ME1: variants seen among roughly 807,000 people sequenced by gnomAD.
ME1 encodes NADP-dependent malic enzyme.
A neutral mutation model predicts 66.4 loss-of-function variants in ME1; 74 were observed. That is an observed-to-expected ratio of 1.11 (90% CI 0.92 to 1.35). The LOEUF is 1.35. ME1 is among the 40% of genes most tolerant of loss of function. The probability of loss-of-function intolerance (pLI) is 0.00; values close to 1 mark genes in which losing one functional copy is unlikely to be tolerated. For missense variants in ME1, 750 were observed against 694.1 expected (o/e 1.08, Z -0.90); for synonymous variants, 251 against 235.6 (o/e 1.07, Z -0.60).
At chr6:83,319,811 G>T (rs1267802510) in intron 5 of ME1, among the ~76,000 whole-genome samples, 2 of 152,160 alleles carry the variant, frequency 1.3e-5, no homozygotes, top group Non-Finnish European at 2.9e-5. Flanking sequence ...TTAGATTTCA[G>T]AATTGCTATG....
chr6:83,250,363 T>C (rs890057811), intron 7 of ME1, among the ~76,000 whole-genome samples: 3 of 152,142 alleles, frequency 2.0e-5, no homozygotes, highest in Admixed American at 1.3e-4. Flanking sequence ...GAAGCTGTTA[T>C]ATAACTTTCT....
In ME1 at chr6:83,253,654, A is replaced by G. The variant is rs761853874; in HGVS notation, c.789T>C (p.Tyr263=). Residue 263 remains tyrosine (Y), a synonymous_variant, in exon 7 of 14, where the codon TAT becomes TAC. Transcript: ENST00000369705. ...FRLLNKYRNQ[Y]CTFNDDIQGT... ...CTTGAATATCATCATTGAATGTGCA[A>G]TACTGGTTTCGATACTTGTTCAGGA... 6.2e-7 allele frequency: 1 copy of G among 1,608,176 alleles called. No individual in the cohort carries two copies. The highest frequency in any genetic ancestry group is 1.1e-5 in the South Asian group (1 of 90,886).
intron 5 of ME1, among the ~76,000 whole-genome samples, chr6:83,316,731 T>A (rs773531016): frequency 6.6e-6 from 1 of 151,810 alleles, no homozygotes; most frequent in Non-Finnish European, 1.5e-5. Flanking sequence ...ACAATCACAG[T>A]TTATAAAGTA....
intron 4 of ME1, among the ~76,000 whole-genome samples, chr6:83,349,782 A>C (rs1768763283): frequency 6.6e-6 from 1 of 152,172 alleles, no homozygotes; most frequent in African/African-American, 2.4e-5. Context: ...TTTTACAGTA[A>C]TTTGATTACC....
intron 6 of ME1, among the ~76,000 whole-genome samples, chr6:83,310,379 CT>C: frequency 6.6e-6 from 1 of 152,326 alleles, no homozygotes; most frequent in East Asian, 1.9e-4. Context: ...TCAACTTCTC[CT>C]TCTGCCCATT....
In ME1 at chr6:83,216,592, A is replaced by G; in HGVS notation, c.1454T>C (p.Ile485Thr). ...GTGTTTATCTGACACTTGCTGAGCT[A>G]TAACCTTATGAAAAAAAGAAAGAAA... ...DNIFLTTAEV[I>T]AQQVSDKHLE... The change falls in exon 13 of 14, where the codon ATA becomes ACA. Residue 485 changes from isoleucine to threonine, a missense_variant. Coordinates refer to ENST00000369705, the MANE Select transcript of ME1 (RefSeq NM_002395.6). The G allele has an allele frequency of 6.3e-7, 1 of 1,594,716 alleles. No individual in the cohort carries two copies. The highest frequency in any genetic ancestry group is 1.1e-5 in the South Asian group (1 of 87,460).
intron 6 of ME1, among the ~76,000 whole-genome samples, chr6:83,289,431 T>C (rs1208140579): frequency 6.6e-6 from 1 of 152,226 alleles, no homozygotes; most frequent in Non-Finnish European, 1.5e-5. Context: ...TCATTGGTTC[T>C]GTTTATGTGA....
At position 83,398,771 on chromosome 6, in the gene ME1, A is replaced by G. The variant is rs111276213; in HGVS notation, c.213-255T>C. Among the ~76,000 whole-genome samples, 208 of 152,024 alleles carry G rather than the reference A, an allele frequency of 1.4e-3. 1 individual carries two copies. Among genetic ancestry groups the G allele is most frequent in the Non-Finnish European group, 2.3e-3 (154 of 67,998 alleles). ...CGGATCACAAGATCAGGAGTTCAAG[A>G]CCAGCCTGGCCAACATGGTGAAACT... On this transcript the variant is annotated intron_variant, in intron 2 of 13. Transcript: ENST00000369705.
intron 1 of ME1, among the ~76,000 whole-genome samples, chr6:83,417,333 G>A (rs1770180094): frequency 6.6e-6 from 1 of 150,810 alleles, no homozygotes; most frequent in Non-Finnish European, 1.5e-5. Flanking sequence ...GATTACAGGA[G>A]CCACTGTGCC....
At chr6:83,428,189 A>T (rs1770408771) in intron 1 of ME1, among the ~76,000 whole-genome samples, 1 of 152,158 alleles carries the variant, frequency 6.6e-6, no homozygotes, top group Non-Finnish European at 1.5e-5. Flanking sequence ...TACACACAAA[A>T]AGGAAAGAAT....
At chr6:83,225,522 T>A (rs1279169106) in intron 11 of ME1, among the ~76,000 whole-genome samples, 1 of 152,068 alleles carries the variant, frequency 6.6e-6, no homozygotes, top group Non-Finnish European at 1.5e-5. Context: ...GCAAATGTCA[T>A]AATATACCTT....
At chr6:83,407,178 T>G (rs1246399479) in intron 2 of ME1, among the ~76,000 whole-genome samples, 1 of 152,140 alleles carries the variant, frequency 6.6e-6, no homozygotes, top group Non-Finnish European at 1.5e-5. Flanking sequence ...GCTTAGTACC[T>G]TAGTAAGAAA....
rs78669886 is a variant in ME1, at chr6:83,408,839, T to G, written c.79-938A>C. 7.9e-5 allele frequency among the ~76,000 whole-genome samples: 12 copies of G among 152,286 alleles called. No homozygotes were observed. In the East Asian group the frequency reaches 2.1e-3, roughly 27 times the overall value. On this transcript the variant is annotated intron_variant, in intron 1 of 13. Transcript: ENST00000369705. ...GCCCAAGAGACTTCTTTATCTAGAC[T>G]ATGACTGCTGTTCCTCTGGGTCCAG...
At chr6:83,224,475 G>A (rs940035400) in intron 11 of ME1, among the ~76,000 whole-genome samples, 2 of 151,848 alleles carry the variant, frequency 1.3e-5, no homozygotes, top group African/African-American at 4.8e-5. Context: ...TTGAAGTCAG[G>A]AGTTTGAGAC....
At chr6:83,315,890 C>A (rs1009475511) in intron 5 of ME1, among the ~76,000 whole-genome samples, 2 of 151,916 alleles carry the variant, frequency 1.3e-5, no homozygotes, top group African/African-American at 4.8e-5. Flanking sequence ...GAAGGAGACT[C>A]TGCTGCAATA....
intron 5 of ME1, among the ~76,000 whole-genome samples, chr6:83,334,139 C>A (rs1015189030): frequency 6.6e-6 from 1 of 152,074 alleles, no homozygotes; most frequent in African/African-American, 2.4e-5. Context: ...CAGGTCGAGG[C>A]ATTGCCTCAC....
At chr6:83,429,080 G>A (rs894482786) in intron 1 of ME1, among the ~76,000 whole-genome samples, 3 of 152,014 alleles carry the variant, frequency 2.0e-5, no homozygotes, top group Admixed American at 1.3e-4. Context: ...TGACTAACAC[G>A]GTGAAACCCA....
intron 6 of ME1, among the ~76,000 whole-genome samples, chr6:83,304,341 T>A (rs1436669565): frequency 1.3e-5 from 2 of 152,160 alleles, no homozygotes; most frequent in African/African-American, 4.8e-5. Flanking sequence ...CTCCAAACCA[T>A]GGTAAATTAA....
chr6:83,332,954 T>G (rs918789086), intron 5 of ME1, among the ~76,000 whole-genome samples: 9 of 152,174 alleles, frequency 5.9e-5, no homozygotes, highest in African/African-American at 2.2e-4. Context: ...CAAGTACTTC[T>G]GTGTACTTCT....
Sources: allele counts gnomAD v4.1 joint callset (sites outside exome capture counted in the v4.1 genomes callset), GRCh38; gene constraint gnomAD v4.1.1; transcripts MANE v1.5; gene names NCBI Gene and HGNC (gene_info 2026-07-23, HGNC 2026-07-21).